Variants in MAPK10 observed in about 807,000 individuals in gnomAD.
MAPK10 encodes mitogen-activated protein kinase 10.
MAPK10 carries 25 observed loss-of-function variants against 59.3 expected under a neutral mutation model. The observed-to-expected ratio is 0.42, with a 90% CI of 0.31 to 0.59. The LOEUF (loss-of-function observed/expected upper bound fraction) is 0.59, where lower values mean the gene tolerates loss of function less well. Ranked by LOEUF, MAPK10 falls within the 20% of genes least tolerant of loss-of-function variation. The pLI, the probability that MAPK10 is intolerant of heterozygous loss-of-function variation, is 0.15. For missense variants in MAPK10, 351 were observed against 568.9 expected, an observed-to-expected ratio of 0.62 and a Z score of 3.90; for synonymous variants, 190 against 200.5, an observed-to-expected ratio of 0.95 and a Z score of 0.44.
intron 1 of MAPK10, among the ~76,000 whole-genome samples, chr4:86,377,845 G>A (rs1215656509): frequency 6.6e-6 from 1 of 152,080 alleles, no homozygotes; most frequent in Non-Finnish European, 1.5e-5. Flanking sequence ...ATGTTCGAGG[G>A]CAGGAAGCAT....
At chr4:86,036,791 C>T (rs1035082253) in intron 11 of MAPK10, among the ~76,000 whole-genome samples, 5 of 152,106 alleles carry the variant, frequency 3.3e-5, no homozygotes, top group Non-Finnish European at 7.4e-5. Context: ...TGCTTATTGT[C>T]CTTGTAATTA....
intron 1 of MAPK10, among the ~76,000 whole-genome samples, chr4:86,463,067 T>C (rs1165509942): frequency 1.3e-5 from 2 of 152,196 alleles, no homozygotes; most frequent in Admixed American, 6.5e-5. Context: ...AAAGGACACA[T>C]AGCTCCAATA....
intron 1 of MAPK10, among the ~76,000 whole-genome samples, chr4:86,545,475 C>T (rs911570943): frequency 4.6e-5 from 7 of 152,060 alleles, no homozygotes; most frequent in Non-Finnish European, 7.3e-5. Flanking sequence ...AAGGCCGTGA[C>T]GAAAAGACCT....
intron 1 of MAPK10, among the ~76,000 whole-genome samples, chr4:86,427,130 G>T (rs1206433146): frequency 1.3e-5 from 2 of 151,788 alleles, no homozygotes; most frequent in African/African-American, 2.4e-5. Context: ...GGTGGCATGT[G>T]CCTGTAATTC....
intron 1 of MAPK10, among the ~76,000 whole-genome samples, chr4:86,359,066 A>T (rs969017618): frequency 3.3e-5 from 5 of 152,042 alleles, no homozygotes; most frequent in Non-Finnish European, 5.9e-5. Flanking sequence ...CAATAGTTTT[A>T]TATCTAATAT....
intron 3 of MAPK10, among the ~76,000 whole-genome samples, chr4:86,167,637 T>G (rs967772319): frequency 6.6e-6 from 1 of 152,198 alleles, no homozygotes; most frequent in African/African-American, 2.4e-5. Flanking sequence ...TCTCAATAGA[T>G]GCAGAAAAGG....
intron 1 of MAPK10, among the ~76,000 whole-genome samples, chr4:86,475,401 C>T (rs1753000671): frequency 6.6e-6 from 1 of 152,162 alleles, no homozygotes; most frequent in South Asian, 2.1e-4. Flanking sequence ...TTACTCTCTT[C>T]TCCAACCTCT....
intron 11 of MAPK10, among the ~76,000 whole-genome samples, chr4:86,051,863 A>G (rs1283157267): frequency 6.6e-6 from 1 of 152,182 alleles, no homozygotes; most frequent in Non-Finnish European, 1.5e-5. Context: ...ACAAACAAAA[A>G]TCTTTGGAGA....
chr4:86,280,709 T>C (rs1459574414), intron 2 of MAPK10, among the ~76,000 whole-genome samples: 2 of 152,088 alleles, frequency 1.3e-5, no homozygotes, highest in Middle Eastern at 3.4e-3. Flanking sequence ...CCATCAATAG[T>C]GGACTGGCTA....
rs193166321 is a variant in MAPK10, at chr4:86,586,401, C to A, written c.-263+7509G>T. On this transcript the variant is annotated intron_variant, in intron 1 of 4. Coordinates refer to the MAPK10 transcript ENST00000502302. ...CATACCTCTCCCCCACCAAATTCCTCTCTCTGTCTTTCACTCATCATCGAA... is the reference window on the plus strand; with the variant it reads ...CATACCTCTCCCCCACCAAATTCCTATCTCTGTCTTTCACTCATCATCGAA... Among the ~76,000 whole-genome samples, 406 of 152,306 alleles carry A rather than the reference C, an allele frequency of 2.7e-3. 3 individuals carry two copies. Among genetic ancestry groups the A allele is most frequent in the African/African-American group, 9.3e-3 (385 of 41,572 alleles).
At chr4:86,232,178 C>T (rs572644783) in intron 2 of MAPK10, among the ~76,000 whole-genome samples, 1 of 152,200 alleles carries the variant, frequency 6.6e-6, no homozygotes, top group South Asian at 2.1e-4. Context: ...ACTTTATTTA[C>T]AAAAACAGCT....
chr4:86,395,146 G>GAATTCCT (rs1244598694), intron 1 of MAPK10, among the ~76,000 whole-genome samples: 2 of 152,026 alleles, frequency 1.3e-5, no homozygotes, highest in African/African-American at 4.8e-5. Context: ...TATAAGCTCA[G>GAATTCCT]ACTTGCATAC....
At chr4:86,558,795 A>C (rs549770187) in intron 1 of MAPK10, among the ~76,000 whole-genome samples, 30 of 152,002 alleles carry the variant, frequency 2.0e-4, no homozygotes, top group Non-Finnish European at 4.1e-4. Flanking sequence ...AAGAAATTAG[A>C]GTATGCATTA....
At chr4:86,343,117 C>T (rs1021993762) in intron 2 of MAPK10, among the ~76,000 whole-genome samples, 2 of 152,114 alleles carry the variant, frequency 1.3e-5, no homozygotes, top group African/African-American at 4.8e-5. Flanking sequence ...TCATTCTGTT[C>T]CCTCTTCCAG....
At chr4:86,073,740 T>G (rs1386781625) in intron 9 of MAPK10, among the ~76,000 whole-genome samples, 1 of 110,378 alleles carries the variant, frequency 9.1e-6, no homozygotes, top group South Asian at 2.8e-4. Context: ...CTAGTTTGAT[T>G]GCACTGTGGT....
intron 2 of MAPK10, among the ~76,000 whole-genome samples, chr4:86,331,371 G>C (rs927165972): frequency 2.0e-5 from 3 of 152,094 alleles, no homozygotes; most frequent in Non-Finnish European, 4.4e-5. Context: ...CAGAACATAG[G>C]ACCAGCTTGG....
intron 1 of MAPK10, among the ~76,000 whole-genome samples, chr4:86,420,745 C>T (rs7684518): frequency 0.48 from 73,380 of 151,904 alleles, 17,778 homozygotes; most frequent in Admixed American, 0.52. Flanking sequence ...GTCGAGATCA[C>T]GCCACTGCAT....
intron 1 of MAPK10, among the ~76,000 whole-genome samples, chr4:86,563,781 C>G (rs1457069805): frequency 1.3e-5 from 2 of 152,154 alleles, no homozygotes; most frequent in Admixed American, 1.3e-4. Context: ...CCAGATGGAG[C>G]TGGACAGCAT....
intron 2 of MAPK10, among the ~76,000 whole-genome samples, chr4:86,310,169 A>G (rs1478037047): frequency 6.6e-6 from 1 of 152,124 alleles, no homozygotes; most frequent in East Asian, 1.9e-4. Context: ...CCACCTTTCC[A>G]GATGGAACCA....
Sources: allele counts gnomAD v4.1 joint callset (sites outside exome capture counted in the v4.1 genomes callset), GRCh38; gene constraint gnomAD v4.1.1; transcripts MANE v1.5; gene names NCBI Gene and HGNC (gene_info 2026-07-23, HGNC 2026-07-21).